Variants in PRKD1 observed in about 807,000 individuals in gnomAD.
PRKD1 encodes the protein serine/threonine-protein kinase D1.
PRKD1 carries 63 observed loss-of-function variants against 95.9 expected under a neutral mutation model. The ratio of observed to expected loss-of-function variants is 0.66; its 90% CI spans 0.54 to 0.81. The LOEUF (loss-of-function observed/expected upper bound fraction) is 0.81. Among genes scored for constraint, PRKD1 ranks in the 30% least tolerant of loss-of-function variants. The pLI, the probability that PRKD1 is intolerant of heterozygous loss-of-function variation, is 0.00. For synonymous variants in PRKD1, 425 were observed against 423.1 expected (o/e 1.00, Z -0.05); for missense variants, 1,048 against 1,165.3 (o/e 0.90, Z 1.47).
At chr14:29,723,828 G>A (rs1886016217) in intron 2 of PRKD1, among the ~76,000 whole-genome samples, 6 of 152,198 alleles carry the variant, frequency 3.9e-5, no homozygotes, top group Admixed American at 3.9e-4. Context: ...TAAGAGTAAG[G>A]GAGCCCTTCT....
intron 2 of PRKD1, among the ~76,000 whole-genome samples, chr14:29,689,975 G>A (rs1434106232): frequency 6.6e-6 from 1 of 152,200 alleles, no homozygotes; most frequent in Non-Finnish European, 1.5e-5. Context: ...TCACCGGGTT[G>A]TAGGAGGGAG....
intron 2 of PRKD1, among the ~76,000 whole-genome samples, chr14:29,721,382 C>T (rs970364891): frequency 6.6e-6 from 1 of 152,136 alleles, no homozygotes; most frequent in Non-Finnish European, 1.5e-5. Flanking sequence ...AAAACTGTGA[C>T]TTTATTTGAG....
chr14:29,698,404 C>T (rs1884649392), intron 2 of PRKD1, among the ~76,000 whole-genome samples: 1 of 151,790 alleles, frequency 6.6e-6, no homozygotes, highest in Non-Finnish European at 1.5e-5. Flanking sequence ...TCAAGCTTGA[C>T]AAGAGAGAAA....
intron 1 of PRKD1, among the ~76,000 whole-genome samples, chr14:29,829,286 T>C (rs1296710635): frequency 6.6e-6 from 1 of 152,170 alleles, no homozygotes; most frequent in Non-Finnish European, 1.5e-5. Flanking sequence ...AAAAATAAGT[T>C]GTTTAATGTC....
intron 1 of PRKD1, among the ~76,000 whole-genome samples, chr14:29,736,645 T>G (rs1886727011): frequency 6.6e-6 from 1 of 152,184 alleles, no homozygotes; most frequent in African/African-American, 2.4e-5. Flanking sequence ...TCAAGCTCTC[T>G]CCAAGTTTGA....
chr14:29,763,419 G>C (rs1888107581), intron 1 of PRKD1, among the ~76,000 whole-genome samples: 1 of 101,646 alleles, frequency 9.8e-6, no homozygotes, highest in African/African-American at 3.8e-5. Context: ...GGAGAAGGGA[G>C]GGGAAGGGAG....
At chr14:29,752,429 A>G (rs1478188367) in intron 1 of PRKD1, among the ~76,000 whole-genome samples, 1 of 152,146 alleles carries the variant, frequency 6.6e-6, no homozygotes, top group Admixed American at 6.6e-5. Context: ...CAGTGGAAGT[A>G]GGTTGTAACT....
At position 29,776,882 on chromosome 14, in the gene PRKD1, G is replaced by T. The variant is rs1220004713; in HGVS notation, c.265-51208C>A. ...TTGAAATGAAGGAAAAAATGTTAAG[G>T]GCAGCCAGAGAGAAAGGTCGGGTTA... On this transcript the variant is annotated intron_variant, in intron 1 of 17. Transcript: ENST00000331968. Among the ~76,000 whole-genome samples, 4 of 152,106 alleles carry T rather than the reference G, an allele frequency of 2.6e-5. No homozygotes were observed. In the East Asian group the frequency reaches 7.7e-4, roughly 29 times the overall value.
At chr14:29,720,784 A>AAAATAAAT (rs563067101) in intron 2 of PRKD1, among the ~76,000 whole-genome samples, 1 of 151,424 alleles carries the variant, frequency 6.6e-6, no homozygotes, top group Non-Finnish European at 1.5e-5. Context: ...TGTCTCAAAA[A>AAAATAAAT]AAATAAATAA....
At chr14:29,702,238 G>C (rs1330742858) in intron 2 of PRKD1, among the ~76,000 whole-genome samples, 1 of 152,078 alleles carries the variant, frequency 6.6e-6, no homozygotes, top group Non-Finnish European at 1.5e-5. Context: ...GCGTGTAAGA[G>C]CTTTTAAGTT....
chr14:29,621,454 CT>C (rs1432216400), intron 13 of PRKD1, among the ~76,000 whole-genome samples: 1 of 148,680 alleles, frequency 6.7e-6, no homozygotes, highest in Non-Finnish European at 1.5e-5. Flanking sequence ...TCCTTTCCTT[CT>C]TTTTTGGTTC....
At chr14:29,758,757 C>A (rs1210792294) in intron 1 of PRKD1, among the ~76,000 whole-genome samples, 1 of 152,136 alleles carries the variant, frequency 6.6e-6, no homozygotes, top group Non-Finnish European at 1.5e-5. Context: ...CAAGATCTGG[C>A]CACATAAAGC....
intron 2 of PRKD1, among the ~76,000 whole-genome samples, chr14:29,692,661 T>TA (rs887460657): frequency 7.9e-5 from 12 of 151,086 alleles, no homozygotes; most frequent in African/African-American, 2.2e-4. Flanking sequence ...TGTACCCATT[T>TA]AAAAAAAAAG....
At chr14:29,831,448 GGT>G (rs1491518042) in intron 1 of PRKD1, among the ~76,000 whole-genome samples, 1 of 131,188 alleles carries the variant, frequency 7.6e-6, no homozygotes, top group African/African-American at 2.6e-5. Flanking sequence ...TAGAATGTTT[GGT>G]TTTTTTTTTT....
chr14:29,593,986 G>A, intron 16 of PRKD1: 1 of 332,830 alleles, frequency 3.0e-6, no homozygotes, highest in Non-Finnish European at 5.8e-6. Context: ...GTAAAGAATG[G>A]AGACAAATTA....
chr14:29,578,364 A>G lies in PRKD1; in HGVS notation c.2435-4T>C, dbSNP rs751199973. The G allele has an allele frequency of 1.2e-6, 2 of 1,600,062 alleles. No individual in the cohort carries two copies. Among genetic ancestry groups the G allele is most frequent in the Non-Finnish European group, 1.7e-6 (2 of 1,171,144 alleles). Reference sequence around the variant, plus strand: ...AAATTGTTGATAAGATCAATGGCTGAAAAAAATTACCAGTAAAAATAGATG... The same window carrying G: ...AAATTGTTGATAAGATCAATGGCTGGAAAAAATTACCAGTAAAAATAGATG... On this transcript the variant is annotated splice_region_variant and splice_polypyrimidine_tract_variant and intron_variant, in intron 16 of 17. Coordinates refer to ENST00000331968, the MANE Select transcript of PRKD1 (RefSeq NM_002742.3).
intron 2 of PRKD1, among the ~76,000 whole-genome samples, chr14:29,686,278 C>T (rs191545084): frequency 5.0e-4 from 76 of 152,204 alleles, no homozygotes; most frequent in African/African-American, 1.0e-3. Context: ...TGGATGGACT[C>T]GCGAGCACCA....
chr14:29,846,342 T>C (rs970763707), intron 1 of PRKD1, among the ~76,000 whole-genome samples: 38 of 152,158 alleles, frequency 2.5e-4, no homozygotes, highest in African/African-American at 8.2e-4. Context: ...GGGAGTATTT[T>C]GAATTTGGTC....
chr14:29,771,033 CTAAA>C (rs1183233900), intron 1 of PRKD1, among the ~76,000 whole-genome samples: 1 of 151,642 alleles, frequency 6.6e-6, no homozygotes, highest in South Asian at 2.1e-4. Flanking sequence ...CAGCTCCTCT[CTAAA>C]TAGTAACGTG....
Sources: gnomAD v4.1 joint callset for allele counts (sites outside exome capture counted in the v4.1 genomes callset) on GRCh38, gnomAD v4.1.1 for gene constraint, MANE v1.5 for transcripts, NCBI Gene and HGNC (gene_info 2026-07-23, HGNC 2026-07-21) for gene names.